Variants in ADAMTS18 observed in about 807,000 individuals in gnomAD.
ADAMTS18 encodes the protein A disintegrin and metalloproteinase with thrombospondin motifs 18.
ADAMTS18 carries 157 observed loss-of-function variants against 165.9 expected under a neutral mutation model. That is an observed-to-expected ratio of 0.95 (90% confidence interval 0.83 to 1.08). The LOEUF (loss-of-function observed/expected upper bound fraction) is 1.08. Ranked by LOEUF, ADAMTS18 falls within the 50% of genes least tolerant of loss-of-function variation. ADAMTS18 has a pLI of 0.00. For missense variants in ADAMTS18, 2,040 were observed against 1,534.0 expected, an observed-to-expected ratio of 1.33 and a Z score of -5.51; for synonymous variants, 782 against 578.2, an observed-to-expected ratio of 1.35 and a Z score of -5.06.
intron 16 of ADAMTS18, among the ~76,000 whole-genome samples, chr16:77,316,711 C>G (rs1223599488): frequency 6.6e-6 from 1 of 152,138 alleles, no homozygotes; most frequent in Non-Finnish European, 1.5e-5. Flanking sequence ...ACTCTGCCAC[C>G]CAGGCTGGAG....
intron 3 of ADAMTS18, among the ~76,000 whole-genome samples, chr16:77,384,647 A>C (rs895778725): frequency 3.3e-5 from 5 of 152,192 alleles, no homozygotes; most frequent in East Asian, 1.9e-4. Flanking sequence ...CACCCAACTT[A>C]TGGGGCATTT....
At chr16:77,334,349 AT>A (rs1306284260) in intron 12 of ADAMTS18, among the ~76,000 whole-genome samples, 1 of 21,444 alleles carries the variant, frequency 4.7e-5, no homozygotes, top group African/African-American at 4.5e-4. Flanking sequence ...ATACTATTAT[AT>A]ATACTACATA....
intron 11 of ADAMTS18, among the ~76,000 whole-genome samples, chr16:77,338,639 G>T (rs2056348988): frequency 6.6e-6 from 1 of 151,908 alleles, no homozygotes; most frequent in South Asian, 2.1e-4. Context: ...TTCTTTCCGT[G>T]CACACATATT....
intron 12 of ADAMTS18, 145 bp from the exon 13 acceptor site, chr16:77,326,183 A>G (rs1051551795): frequency 2.5e-5 from 20 of 802,040 alleles, no homozygotes; most frequent in South Asian, 1.3e-4. Flanking sequence ...ATGGAAGTAC[A>G]TAGCATACAA....
intron 3 of ADAMTS18, among the ~76,000 whole-genome samples, chr16:77,422,325 G>A (rs1444990497): frequency 1.3e-5 from 2 of 151,970 alleles, no homozygotes; most frequent in Non-Finnish European, 2.9e-5. Context: ...AGTCACCGCA[G>A]ATGCCAGGTA....
intron 20 of ADAMTS18, 185 bp downstream of exon 20, chr16:77,292,890 GC>G: frequency 1.7e-6 from 1 of 593,838 alleles, no homozygotes; most frequent in Non-Finnish European, 2.9e-6. Context: ...CGCAATCTCA[GC>G]TCACTGCAAA....
intron 3 of ADAMTS18, among the ~76,000 whole-genome samples, chr16:77,375,711 T>C (rs1279884459): frequency 1.3e-5 from 2 of 152,216 alleles, no homozygotes; most frequent in Non-Finnish European, 2.9e-5. Flanking sequence ...CCTGGATTCA[T>C]CGTTCTCTCA....
intron 3 of ADAMTS18, among the ~76,000 whole-genome samples, chr16:77,371,216 A>G (rs2056871361): frequency 6.9e-6 from 1 of 144,434 alleles, no homozygotes; most frequent in Non-Finnish European, 1.5e-5. Context: ...CTCTGACTCA[A>G]TTAAAAACAA....
chr16:77,296,039 T>A (rs1020399898), intron 18 of ADAMTS18, among the ~76,000 whole-genome samples: 1 of 150,694 alleles, frequency 6.6e-6, no homozygotes, highest in Non-Finnish European at 1.5e-5. Flanking sequence ...TACACACACA[T>A]ATACGCACAT....
intron 16 of ADAMTS18, among the ~76,000 whole-genome samples, chr16:77,305,608 A>T (rs1202366981): frequency 1.3e-5 from 2 of 152,202 alleles, no homozygotes; most frequent in African/African-American, 4.8e-5. Context: ...GATCAGTTTT[A>T]AGACACAATT....
chr16:77,425,069 G>C (rs1046287047), intron 3 of ADAMTS18, among the ~76,000 whole-genome samples: 1 of 152,210 alleles, frequency 6.6e-6, no homozygotes. Context: ...TTTGAAAGGG[G>C]GAGATCAAAG....
chr16:77,335,481 T>G (rs967877529), intron 12 of ADAMTS18, among the ~76,000 whole-genome samples: 1 of 151,362 alleles, frequency 6.6e-6, no homozygotes, highest in African/African-American at 2.4e-5. Flanking sequence ...ACTAAAACAG[T>G]GGAATGGGCC....
At chr16:77,406,007 A>G (rs2057389002) in intron 3 of ADAMTS18, among the ~76,000 whole-genome samples, 1 of 152,132 alleles carries the variant, frequency 6.6e-6, no homozygotes, top group African/African-American at 2.4e-5. Flanking sequence ...AAAAATCCAC[A>G]TTTTTCAATT....
intron 3 of ADAMTS18, among the ~76,000 whole-genome samples, chr16:77,414,185 A>C (rs2057500796): frequency 6.6e-6 from 1 of 152,212 alleles, no homozygotes; most frequent in African/African-American, 2.4e-5. Flanking sequence ...ATATTCTCTG[A>C]AACTACTGTT....
intron 16 of ADAMTS18, among the ~76,000 whole-genome samples, chr16:77,316,600 T>G (rs539376982): frequency 2.0e-5 from 3 of 152,326 alleles, no homozygotes; most frequent in Non-Finnish European, 4.4e-5. Context: ...TACTTTCTTT[T>G]CTGACTACAC....
Position 77,321,163 on chromosome 16 carries a change from A to T in ADAMTS18, c.2203T>A (p.Ser735Thr), listed in dbSNP as rs775380561. The T allele has an allele frequency of 1.1e-5, 17 of 1,614,208 alleles. No homozygotes were observed. The highest frequency in any genetic ancestry group is 6.7e-5 in the East Asian group (3 of 44,882). ...CCTTTGCAAACGCCACAAGCATCTG[A>T]AACTGCTTTAGAGCCTAGTTCATGA... ...CDHELGSKAV[S>T]DACGVCKGDN... Residue 735 changes from serine to threonine, a missense_variant, in exon 15 of 23, where the codon TCA becomes ACA. Coordinates refer to ENST00000282849, the MANE Select transcript of ADAMTS18 (RefSeq NM_199355.4).
chr16:77,420,084 C>CT (rs966491904), intron 3 of ADAMTS18, among the ~76,000 whole-genome samples: 1 of 148,718 alleles, frequency 6.7e-6, no homozygotes, highest in African/African-American at 2.5e-5. Flanking sequence ...CCTTCGAAGC[C>CT]TTTTTTTCTT....
At chr16:77,332,812 T>G (rs1369650204) in intron 12 of ADAMTS18, among the ~76,000 whole-genome samples, 1 of 152,220 alleles carries the variant, frequency 6.6e-6, no homozygotes. Context: ...CACAGCTGAT[T>G]TGACTAGTTG....
intron 10 of ADAMTS18, among the ~76,000 whole-genome samples, chr16:77,344,915 T>A (rs767878744): frequency 6.6e-6 from 1 of 152,140 alleles, no homozygotes; most frequent in African/African-American, 2.4e-5. Flanking sequence ...AATCAGAGTT[T>A]GCACTTTTTT....
Sources: gnomAD v4.1 joint callset for allele counts (sites outside exome capture counted in the v4.1 genomes callset) on GRCh38, gnomAD v4.1.1 for gene constraint, MANE v1.5 for transcripts, NCBI Gene and HGNC (gene_info 2026-07-23, HGNC 2026-07-21) for gene names.